Variants in JMJD1C observed in about 807,000 individuals in gnomAD.
JMJD1C encodes the protein jumonji domain-containing protein 1C.
JMJD1C carries 31 observed loss-of-function variants against 245.3 expected under a neutral mutation model. That is an observed-to-expected ratio of 0.13 (90% CI 0.09 to 0.17). The LOEUF (loss-of-function observed/expected upper bound fraction) is 0.17, where lower values mean the gene tolerates loss of function less well. JMJD1C is among the 10% of genes least tolerant of loss of function. The pLI is 1.00. For synonymous variants in JMJD1C, 1,057 were observed against 1,017.4 expected (o/e 1.04, Z -0.74); for missense variants, 2,691 against 3,000.2 (o/e 0.90, Z 2.41).
At chr10:63,184,119 G>T (rs1843819245) in intron 21 of JMJD1C, among the ~76,000 whole-genome samples, 1 of 151,898 alleles carries the variant, frequency 6.6e-6, no homozygotes, top group Non-Finnish European at 1.5e-5. Flanking sequence ...TAGAGATGGG[G>T]TTTCACCATG....
chr10:63,443,877 C>A (rs1951538146), intron 1 of JMJD1C, among the ~76,000 whole-genome samples: 1 of 152,114 alleles, frequency 6.6e-6, no homozygotes, highest in Non-Finnish European at 1.5e-5. Context: ...CGGGAGAGTC[C>A]AAGGGTATCA....
chr10:63,168,320 T>C (rs995025910), intron 25 of JMJD1C, 115 bp downstream of exon 25: 7 of 1,104,434 alleles, frequency 6.3e-6, no homozygotes, highest in Non-Finnish European at 7.8e-6. Flanking sequence ...TGTTAATCTT[T>C]GGTTGTCACC....
chr10:63,433,187 C>T (rs536839147), intron 1 of JMJD1C, among the ~76,000 whole-genome samples: 81 of 151,982 alleles, frequency 5.3e-4, no homozygotes, highest in African/African-American at 1.9e-3. Context: ...TGCCTCCCGA[C>T]CCCAGTTCAA....
chr10:63,354,657 C>A (rs974595323), intron 2 of JMJD1C, among the ~76,000 whole-genome samples: 2 of 116,152 alleles, frequency 1.7e-5, no homozygotes, highest in Non-Finnish European at 3.7e-5. Flanking sequence ...GTATTTTCTA[C>A]CTAAATTTTC....
chr10:63,375,535 C>CGTGTGTGTGTGTGTGTGT (rs1206144769), intron 2 of JMJD1C, among the ~76,000 whole-genome samples: 1 of 147,374 alleles, frequency 6.8e-6, no homozygotes, highest in Non-Finnish European at 1.5e-5. Flanking sequence ...AATATTTACA[C>CGTGTGTGTGTGTGTGTGT]GTGTGTGTGT....
At position 63,465,834 on chromosome 10, in the gene JMJD1C, G is replaced by A. The variant is rs926729998; in HGVS notation, c.-172C>T. 27 of 751,988 alleles carry A rather than the reference G, an allele frequency of 3.6e-5. No homozygotes were observed. The highest frequency in any genetic ancestry group is 3.9e-5 in the Non-Finnish European group (17 of 431,518). 46.6% of individuals were successfully genotyped at this position (751,988 alleles called of 1,614,324 possible). The stretch of plus-strand genomic sequence containing the variant: ...TCTGCCCCGGACACAGCGACCTCGG[G>A]CCCTCCCCGCAAACACTCCTTTGGA... On this transcript the variant is annotated 5_prime_UTR_variant, in exon 1 of 26. Coordinates refer to ENST00000399262, the MANE Select transcript of JMJD1C (RefSeq NM_032776.3).
At position 63,202,999 on chromosome 10, in the gene JMJD1C, C is replaced by G. The variant is rs1485443571; in HGVS notation, c.5075-2322G>C. ...GTATGGATCACCATACCACTGTGAA[C>G]AACTCAGATAGTACTATAGTAAAGA... On this transcript the variant is annotated intron_variant, in intron 10 of 25. Coordinates refer to ENST00000399262, the MANE Select transcript of JMJD1C (RefSeq NM_032776.3). 3.0e-6 allele frequency: 3 copies of G among 984,862 alleles called. No individual in the cohort carries two copies. In the Admixed American group the frequency reaches 1.8e-4, roughly 61 times the overall value. 61.0% of individuals were successfully genotyped at this position (984,862 alleles called of 1,614,324 possible).
At chr10:63,210,954 C>G (rs1847248679) in intron 8 of JMJD1C, among the ~76,000 whole-genome samples, 1 of 152,190 alleles carries the variant, frequency 6.6e-6, no homozygotes, top group South Asian at 2.1e-4. Context: ...AATTCTGGAA[C>G]TGAGATCTTG....
chr10:63,312,399 T>C (rs537375587), intron 2 of JMJD1C, among the ~76,000 whole-genome samples: 4 of 152,148 alleles, frequency 2.6e-5, no homozygotes, highest in Non-Finnish European at 4.4e-5. Context: ...TGAGCCACCA[T>C]GCCCGGTTGA....
chr10:63,409,384 A>G (rs1015864111), intron 1 of JMJD1C, among the ~76,000 whole-genome samples: 3 of 152,210 alleles, frequency 2.0e-5, no homozygotes, highest in African/African-American at 7.2e-5. Flanking sequence ...GTTTTTCCAA[A>G]GAGATTTTCA....
chr10:63,230,724 A>G (rs1048278888), intron 3 of JMJD1C, among the ~76,000 whole-genome samples: 3 of 151,896 alleles, frequency 2.0e-5, no homozygotes, highest in Admixed American at 6.6e-5. Flanking sequence ...GCAGTGAGAC[A>G]AGATCATGTT....
At chr10:63,176,696 TAC>T (rs1428593479) in intron 23 of JMJD1C, 1 of 437,264 alleles carries the variant, frequency 2.3e-6, no homozygotes, top group Non-Finnish European at 4.1e-6. Flanking sequence ...AACAGTTTAC[TAC>T]TTCCTTCTCA....
chr10:63,448,144 CATTTTATTTTATTTTA>C (rs1270450711), intron 1 of JMJD1C, among the ~76,000 whole-genome samples: 1 of 152,002 alleles, frequency 6.6e-6, no homozygotes, highest in African/African-American at 2.4e-5. Flanking sequence ...TTTCCCAATA[CATTTTATTTTATTTTA>C]ATTTTATTTT....
At chr10:63,342,482 C>T (rs1410549651) in intron 2 of JMJD1C, among the ~76,000 whole-genome samples, 2 of 152,218 alleles carry the variant, frequency 1.3e-5, no homozygotes. Context: ...GACCCACTTC[C>T]TGGTCCTCAA....
In JMJD1C at chr10:63,207,922, C is replaced by T; in HGVS notation, c.3747G>A (p.Lys1249=). The change falls in exon 10 of 26, where the codon AAG becomes AAA. Residue 1249 remains lysine (K), a synonymous_variant. Coordinates refer to ENST00000399262, the MANE Select transcript of JMJD1C (RefSeq NM_032776.3). The part of the protein sequence containing the change: ...NAGGKVQESQ[K]PPTLIPEPKD... ...TTGGTTCGGGTATTAGAGTTGGAGGCTTCTGTGATTCTTGAACTTTACCAC... is the reference window on the plus strand; with the variant it reads ...TTGGTTCGGGTATTAGAGTTGGAGGTTTCTGTGATTCTTGAACTTTACCAC... 2 of 1,614,140 alleles carry T rather than the reference C, an allele frequency of 1.2e-6. No individual in the cohort carries two copies. The highest frequency in any genetic ancestry group is 1.7e-6 in the Non-Finnish European group (2 of 1,180,006).
intron 2 of JMJD1C, among the ~76,000 whole-genome samples, chr10:63,323,627 G>A (rs1564786938): frequency 1.3e-5 from 2 of 152,114 alleles, no homozygotes. Flanking sequence ...AGCACAATAA[G>A]GCCAGGTACA....
chr10:63,464,100 A>G (rs1178393383), intron 1 of JMJD1C, among the ~76,000 whole-genome samples: 1 of 152,200 alleles, frequency 6.6e-6, no homozygotes, highest in African/African-American at 2.4e-5. Context: ...AAACAAAAAT[A>G]GTTACTGAAT....
intron 3 of JMJD1C, among the ~76,000 whole-genome samples, chr10:63,252,291 C>G (rs1430556599): frequency 3.9e-5 from 6 of 152,134 alleles, no homozygotes; most frequent in Admixed American, 3.3e-4. Context: ...GTGGTCTGGT[C>G]AAACATCATT....
chr10:63,208,573 A>G lies in JMJD1C; in HGVS notation c.3096T>C (p.Val1032=). Residue 1032 remains valine (V), a synonymous_variant, in exon 10 of 26, where the codon GTT becomes GTC. Coordinates refer to ENST00000399262, the MANE Select transcript of JMJD1C (RefSeq NM_032776.3). ...HRRILQESID[V]APFTTKIKGL... ...CCTTGATTTTAGTTGTAAAGGGAGCAACATCAATACTTTCTTGAAGAATTC... is the reference window on the plus strand; with the variant it reads ...CCTTGATTTTAGTTGTAAAGGGAGCGACATCAATACTTTCTTGAAGAATTC... 1.2e-6 allele frequency: 2 copies of G among 1,614,080 alleles called. No individual in the cohort carries two copies.
Sources: gnomAD v4.1 joint callset for allele counts (sites outside exome capture counted in the v4.1 genomes callset) on GRCh38, gnomAD v4.1.1 for gene constraint, MANE v1.5 for transcripts, NCBI Gene and HGNC (gene_info 2026-07-23, HGNC 2026-07-21) for gene names.